OAS3: variants seen among roughly 807,000 people sequenced by gnomAD.
The protein encoded by OAS3 is 2'-5'-oligoadenylate synthase 3.
OAS3 carries 107 observed loss-of-function variants against 113.0 expected under a neutral mutation model. That is an observed-to-expected ratio of 0.95 (90% CI 0.81 to 1.11). The LOEUF is 1.11. OAS3 is among the 50% of genes most tolerant of loss of function. The pLI, the probability that OAS3 is intolerant of heterozygous loss-of-function variation, is 0.00. For synonymous variants in OAS3, 552 were observed against 573.6 expected (o/e 0.96, Z 0.54); for missense variants, 1,258 against 1,389.1 (o/e 0.91, Z 1.50).
intron 12 of OAS3, among the ~76,000 whole-genome samples, chr12:112,966,908 T>A (rs376078008): frequency 6.6e-6 from 1 of 152,146 alleles, no homozygotes; most frequent in East Asian, 1.9e-4. Flanking sequence ...CCTTCGAGAG[T>A]GCTGGGATTA....
At chr12:112,939,478 C>G (rs1197315792) in intron 1 of OAS3, among the ~76,000 whole-genome samples, 1 of 152,090 alleles carries the variant, frequency 6.6e-6, no homozygotes, top group Admixed American at 6.5e-5. Context: ...CACTACCATG[C>G]CTGGCTAATT....
chr12:112,969,133 C>CA (rs1340230424), intron 14 of OAS3, among the ~76,000 whole-genome samples: 11 of 151,726 alleles, frequency 7.2e-5, no homozygotes, highest in South Asian at 2.1e-4. Flanking sequence ...TTTTGACCAC[C>CA]AAAAAATATG....
intron 8 of OAS3, among the ~76,000 whole-genome samples, chr12:112,961,987 G>A (rs543788192): frequency 6.6e-6 from 1 of 152,160 alleles, no homozygotes; most frequent in Non-Finnish European, 1.5e-5. Flanking sequence ...GTAGAGACAG[G>A]AGTCTTACCA....
Position 112,950,822 on chromosome 12 carries a change from G to C in OAS3, c.1504G>C (p.Ala502Pro). ...RRAEILDEMRAQLESWWQDQV... is the reference protein window; with the variant it reads ...RRAEILDEMRPQLESWWQDQV... ...CGCAGAGATCCTTGATGAGATGCGA[G>C]CGCAGCTAGAATCCTGGTGGCAGGA... is the stretch of plus-strand genomic sequence containing the variant. Residue 502 changes from alanine to proline, a missense_variant, in exon 7 of 16, where the codon GCG becomes CCG. Coordinates refer to ENST00000228928, the MANE Select transcript of OAS3 (RefSeq NM_006187.4). 1 of 1,614,056 alleles carries C rather than the reference G, an allele frequency of 6.2e-7. No individual in the cohort carries two copies. The highest frequency in any genetic ancestry group is 8.5e-7 in the Non-Finnish European group (1 of 1,179,904).
At chr12:112,960,137 G>C (rs1254831457) in intron 7 of OAS3, among the ~76,000 whole-genome samples, 1 of 151,964 alleles carries the variant, frequency 6.6e-6, no homozygotes, top group Non-Finnish European at 1.5e-5. Context: ...TTGTGCCCTG[G>C]GTTGGAGAAA....
In OAS3 at chr12:112,970,907, C is replaced by A. The variant is rs1288451473; in HGVS notation, c.*934C>A. 6.6e-6 allele frequency: 1 copy of A among 152,130 alleles called. No homozygotes were observed. Among genetic ancestry groups the A allele is most frequent in the African/African-American group, 2.4e-5 (1 of 41,416 alleles). The allele number at this position is 152,130 out of a possible 1,614,324, so 9.4% of individuals were successfully genotyped here. A position where few individuals can be genotyped will look rare whatever the true frequency, so the allele number is the denominator to read the frequency against. On this transcript the variant is annotated 3_prime_UTR_variant, in exon 16 of 16. Coordinates refer to ENST00000228928, the MANE Select transcript of OAS3 (RefSeq NM_006187.4). Reference sequence around the variant, plus strand: ...TGCCTTCCTGAATTTTTATTGGGTCCCTGTTTTCTCTCCTAACATGCTGAG... The same window carrying A: ...TGCCTTCCTGAATTTTTATTGGGTCACTGTTTTCTCTCCTAACATGCTGAG...
At position 112,954,626 on chromosome 12, in the gene OAS3, G is replaced by T. The variant is rs1169047878; in HGVS notation, c.1657+3651G>T. On this transcript the variant is annotated intron_variant, in intron 7 of 15. Transcript: ENST00000228928. The surrounding 1 kb of genome is among the most constrained non-coding windows in gnomAD (Gnocchi z 4.0). ...TCTTGTTTTTGTCAGGTTTGTCAAA[G>T]ATCAGATGGTTGTAGACATGTGGTG... 6.6e-6 allele frequency among the ~76,000 whole-genome samples: 1 copy of T among 152,186 alleles called. No homozygotes were observed. The highest frequency in any genetic ancestry group is 2.4e-5 in the African/African-American group (1 of 41,450).
Position 112,969,762 on chromosome 12 carries a change from G to A in OAS3, c.3252+7G>A, listed in dbSNP as rs2136364214. Reference sequence around the variant, plus strand: ...CCAGCCATGGCCAGTGAAGGTGAGAGATCTGTGGTGCCAAAGGAAGTACCC... The same window carrying A: ...CCAGCCATGGCCAGTGAAGGTGAGAAATCTGTGGTGCCAAAGGAAGTACCC... On this transcript the variant is annotated splice_region_variant and intron_variant, in intron 15 of 15. Transcript: ENST00000228928. 6.2e-7 allele frequency: 1 copy of A among 1,611,468 alleles called. No homozygotes were observed. The highest frequency in any genetic ancestry group is 2.2e-5 in the East Asian group (1 of 44,830).
At position 112,968,067 on chromosome 12, in the gene OAS3, G is replaced by A. The variant is rs1470227092; in HGVS notation, c.2997G>A (p.Leu999=). Reference sequence around the variant, plus strand: ...TGGCTGAGGGCTTCCGCACGGTCCTGGAGCTGGTCACCCAGTACCGCCAGC... The same window carrying A: ...TGGCTGAGGGCTTCCGCACGGTCCTAGAGCTGGTCACCCAGTACCGCCAGC... ...FNMAEGFRTV[L]ELVTQYRQLC... is the part of the protein sequence containing the mutation. Residue 999 remains leucine, a synonymous_variant, in exon 14 of 16, where the codon CTG becomes CTA. Transcript: ENST00000228928. 6.2e-7 allele frequency: 1 copy of A among 1,613,880 alleles called. No individual in the cohort carries two copies. The highest frequency in any genetic ancestry group is 1.1e-5 in the South Asian group (1 of 91,078).
chr12:112,938,769 C>T, intron 1 of OAS3, 62 bp downstream of exon 1: 2 of 1,300,660 alleles, frequency 1.5e-6, no homozygotes, highest in East Asian at 2.8e-5. Context: ...ACGCTTAAGC[C>T]TCACATAGGC....
Position 112,963,279 on chromosome 12 carries a change from A to C in OAS3, c.2085-34A>C, listed in dbSNP as rs1459288515. 5.9e-6 allele frequency: 9 copies of C among 1,536,356 alleles called. No individual in the cohort carries two copies. The Admixed American group carries it at 1.1e-4, about 19-fold the overall frequency. Reference sequence around the variant, plus strand: ...CCCGCCTCCTCTTTCACTGACTCCCACCTTCCCCACCCACCTTCCTGCTGT... The same window carrying C: ...CCCGCCTCCTCTTTCACTGACTCCCCCCTTCCCCACCCACCTTCCTGCTGT... On this transcript the variant is annotated intron_variant, in intron 9 of 15. Transcript: ENST00000228928. This position sits in a 1 kb window ranked among gnomAD's most constrained non-coding sequence, Gnocchi z 4.6.
intron 7 of OAS3, among the ~76,000 whole-genome samples, chr12:112,953,769 G>A (rs1428405836): frequency 6.6e-6 from 1 of 152,056 alleles, no homozygotes; most frequent in East Asian, 1.9e-4. Flanking sequence ...TGTGTCTGTT[G>A]GCTGCATAAA....
intron 7 of OAS3, among the ~76,000 whole-genome samples, chr12:112,958,316 C>A (rs1321293794): frequency 6.6e-6 from 1 of 152,154 alleles, no homozygotes; most frequent in Non-Finnish European, 1.5e-5. Context: ...TTGTTATTAC[C>A]AATTGTCTGA....
rs2043739356 is a variant in OAS3 at position 112,946,997 on chromosome 12, C to T, written c.875+16C>T. On this transcript the variant is annotated intron_variant, in intron 4 of 15. Transcript: ENST00000228928. ...AGAGACCCAGGTACTTCCTAATAGC[C>T]CACCATCTGCTCTCCTGTCCCGGGG... is the stretch of plus-strand genomic sequence containing the variant. 3 of 1,598,392 alleles carry T rather than the reference C, an allele frequency of 1.9e-6. No individual in the cohort carries two copies. The highest frequency in any genetic ancestry group is 1.7e-4 in the Middle Eastern group (1 of 6,048).
intron 2 of OAS3, 64 bp downstream of exon 2, chr12:112,941,916 T>A: frequency 1.2e-6 from 2 of 1,602,194 alleles, no homozygotes; most frequent in Non-Finnish European, 8.6e-7. Flanking sequence ...ACACAGGACT[T>A]CCAATTCTAG....
chr12:112,941,697 G>A lies in OAS3; in HGVS notation c.305G>A (p.Arg102Gln), dbSNP rs200637537. ...ARRAEILSEM[R>Q]ASLESWWQNP... ...CGTGCAGAGATCCTCAGTGAGATGC[G>A]GGCATCGCTGGAATCCTGGTGGCAG... is the stretch of plus-strand genomic sequence containing the variant. The change falls in exon 2 of 16, where the codon CGG becomes CAG. Residue 102 changes from arginine (R) to glutamine (Q), a missense_variant. Physicochemically the swap from Arg to Gln is conservative, Grantham distance 43. Transcript: ENST00000228928. The A allele has an allele frequency of 9.9e-6, 16 of 1,613,924 alleles. No individual in the cohort carries two copies. Among genetic ancestry groups the A allele is most frequent in the African/African-American group, 4.0e-5 (3 of 74,930 alleles).
At position 112,946,871 on chromosome 12, in the gene OAS3, C is replaced by T. The variant is rs750216801; in HGVS notation, c.765C>T (p.Val255=). 6.2e-7 allele frequency: 1 copy of T among 1,613,950 alleles called. No individual in the cohort carries two copies. Among genetic ancestry groups the T allele is most frequent in the African/African-American group, 1.3e-5 (1 of 74,938 alleles). The change falls in exon 4 of 16, where the codon GTC becomes GTT. Residue 255 remains valine (V), a synonymous_variant. Transcript: ENST00000228928. ...AFSLAEGLRT[V]LGLIQQHQHL... is the part of the protein sequence containing the mutation. Reference sequence around the variant, plus strand: ...GCCTAGCCGAAGGCCTCCGAACTGTCCTGGGCCTGATCCAACAGCATCAGC... The same window carrying T: ...GCCTAGCCGAAGGCCTCCGAACTGTTCTGGGCCTGATCCAACAGCATCAGC...
At chr12:112,957,431 C>T (rs934413106) in intron 7 of OAS3, among the ~76,000 whole-genome samples, 8 of 152,170 alleles carry the variant, frequency 5.3e-5, no homozygotes, top group Admixed American at 2.6e-4. Flanking sequence ...TTCCTAGCAT[C>T]GATGGTCTTT....
intron 7 of OAS3, among the ~76,000 whole-genome samples, chr12:112,953,474 A>T (rs1043684980): frequency 5.3e-5 from 8 of 152,230 alleles, no homozygotes; most frequent in Admixed American, 5.2e-4. Context: ...TTCTAGCAGC[A>T]TGATTTATAA....
Sources: gnomAD v4.1 joint callset for allele counts (sites outside exome capture counted in the v4.1 genomes callset) on GRCh38, gnomAD v4.1.1 for gene constraint, Gnocchi (gnomAD v3.1) non-coding constraint, MANE v1.5 for transcripts, NCBI Gene and HGNC (gene_info 2026-07-23, HGNC 2026-07-21) for gene names.